Variants in NAV3 observed in about 807,000 individuals in gnomAD.
NAV3 encodes the protein pore membrane and/or filament interacting like protein 1.
NAV3 carries 87 observed loss-of-function variants against 244.7 expected under a neutral mutation model. The ratio of observed to expected loss-of-function variants is 0.36; its 90% CI spans 0.30 to 0.42. The LOEUF is 0.42. NAV3 is among the 20% of genes least tolerant of loss of function. NAV3 has a pLI of 1.00. For missense variants in NAV3, 2,663 were observed against 2,893.3 expected (o/e 0.92, Z 1.83); for synonymous variants, 1,126 against 1,042.2 (o/e 1.08, Z -1.55).
At chr12:78,089,969 C>T (rs1953836192) in intron 12 of NAV3, among the ~76,000 whole-genome samples, 1 of 152,074 alleles carries the variant, frequency 6.6e-6, no homozygotes, top group South Asian at 2.1e-4. Flanking sequence ...TAAGCTCTTT[C>T]TCTTCTACTC....
intron 1 of NAV3, among the ~76,000 whole-genome samples, chr12:77,927,244 A>G (rs1243786659): frequency 6.6e-6 from 1 of 152,224 alleles, no homozygotes; most frequent in Non-Finnish European, 1.5e-5. Flanking sequence ...GTTAAGATGA[A>G]TTCCCCATGG....
chr12:77,624,098 C>T (rs1014615596), intron 2 of NAV3, among the ~76,000 whole-genome samples: 1 of 152,068 alleles, frequency 6.6e-6, no homozygotes, highest in Non-Finnish European at 1.5e-5. Flanking sequence ...ACCAGAAAAG[C>T]AGGATGAGTG....
intron 1 of NAV3, among the ~76,000 whole-genome samples, chr12:77,873,711 A>G (rs1362372803): frequency 8.3e-6 from 1 of 120,194 alleles, no homozygotes; most frequent in Non-Finnish European, 1.8e-5. Context: ...ATATATATAC[A>G]TGATTTGCTT....
At chr12:78,148,527 C>T (rs1956952483) in intron 21 of NAV3, among the ~76,000 whole-genome samples, 1 of 152,066 alleles carries the variant, frequency 6.6e-6, no homozygotes, top group Admixed American at 6.6e-5. Flanking sequence ...TTTATTACCA[C>T]AGTTTTTCTA....
chr12:77,803,322 C>A (rs1871813157), intron 2 of NAV3, among the ~76,000 whole-genome samples: 1 of 152,154 alleles, frequency 6.6e-6, no homozygotes, highest in Admixed American at 6.5e-5. Flanking sequence ...GTTTCCCTCC[C>A]TGTGTCCATG....
At position 78,015,425 on chromosome 12, in the gene NAV3, G is replaced by A. The variant is rs116170232; in HGVS notation, c.1908-6322G>A. On this transcript the variant is annotated intron_variant, in intron 8 of 39. Coordinates refer to ENST00000397909, the MANE Select transcript of NAV3 (RefSeq NM_001024383.2). Reference sequence around the variant, plus strand: ...ATGATATTGATATATTGATGGCTAGGCATTTTACATAATGTTTCTAATTTG... The same window carrying A: ...ATGATATTGATATATTGATGGCTAGACATTTTACATAATGTTTCTAATTTG... Among the ~76,000 whole-genome samples, 375 of 152,068 alleles carry A rather than the reference G, an allele frequency of 2.5e-3. 3 individuals are homozygous for A. The highest frequency in any genetic ancestry group is 8.8e-3 in the African/African-American group (366 of 41,508).
intron 12 of NAV3, among the ~76,000 whole-genome samples, chr12:78,096,515 C>T (rs1364817942): frequency 6.6e-6 from 1 of 152,136 alleles, no homozygotes; most frequent in Non-Finnish European, 1.5e-5. Context: ...CTCACAGTTC[C>T]ACATGGCTGG....
chr12:77,996,053 T>G (rs1190217382), intron 6 of NAV3, among the ~76,000 whole-genome samples: 1 of 152,172 alleles, frequency 6.6e-6, no homozygotes, highest in African/African-American at 2.4e-5. Flanking sequence ...TAATTTGTTC[T>G]TCTAAGGACT....
chr12:77,982,598 G>T (rs545773936), intron 5 of NAV3, among the ~76,000 whole-genome samples: 1 of 152,240 alleles, frequency 6.6e-6, no homozygotes, highest in South Asian at 2.1e-4. Flanking sequence ...TGGGTTCTGG[G>T]TATCTATTGC....
chr12:78,013,726 G>A (rs1312440382), intron 8 of NAV3, among the ~76,000 whole-genome samples: 3 of 152,074 alleles, frequency 2.0e-5, no homozygotes, highest in Non-Finnish European at 4.4e-5. Flanking sequence ...AAAATGGATT[G>A]TTTGTGGGAG....
chr12:78,189,413 G>A (rs1040604604), intron 33 of NAV3, among the ~76,000 whole-genome samples: 2 of 151,744 alleles, frequency 1.3e-5, no homozygotes, highest in Non-Finnish European at 2.9e-5. Context: ...ATGAGATACT[G>A]TTGCTCCTTT....
intron 25 of NAV3, among the ~76,000 whole-genome samples, chr12:78,176,179 A>G (rs560763380): frequency 6.6e-6 from 1 of 152,084 alleles, no homozygotes; most frequent in East Asian, 1.9e-4. Flanking sequence ...AGGGGAAGAT[A>G]CTGTTACTGC....
chr12:77,630,663 G>A (rs12301423), intron 2 of NAV3, among the ~76,000 whole-genome samples: 14,335 of 152,018 alleles, frequency 0.094, 1,781 homozygotes, highest in African/African-American at 0.29. Context: ...TTTTCTTGGC[G>A]GTATTTTCCT....
chr12:77,741,146 G>GAAAAAA (rs1393220189), intron 2 of NAV3, among the ~76,000 whole-genome samples: 4 of 7,368 alleles, frequency 5.4e-4, no homozygotes, highest in African/African-American at 1.3e-3. Context: ...AAAAAAAAAA[G>GAAAAAA]ACAAAAAAAA....
intron 7 of NAV3, among the ~76,000 whole-genome samples, 165 bp from the exon 8 acceptor site, chr12:78,006,254 A>G (rs184685908): frequency 9.3e-5 from 14 of 151,332 alleles, no homozygotes; most frequent in African/African-American, 3.4e-4. Flanking sequence ...TTTTTGAAAT[A>G]TGGTAAAAAA....
intron 1 of NAV3, among the ~76,000 whole-genome samples, chr12:77,938,401 A>G (rs1022866900): frequency 1.3e-5 from 2 of 152,152 alleles, no homozygotes; most frequent in Non-Finnish European, 2.9e-5. Flanking sequence ...TTACCCTTCA[A>G]TATCTTCAAC....
At chr12:78,201,477 A>T (rs953237286) in intron 38 of NAV3, among the ~76,000 whole-genome samples, 1 of 151,992 alleles carries the variant, frequency 6.6e-6, no homozygotes, top group Non-Finnish European at 1.5e-5. Context: ...TTGGTTTCAC[A>T]GCATCTTTGC....
At chr12:78,180,186 C>T (rs1440020967) in intron 29 of NAV3, among the ~76,000 whole-genome samples, 1 of 152,000 alleles carries the variant, frequency 6.6e-6, no homozygotes, top group African/African-American at 2.4e-5. Context: ...TTTTGAAAAA[C>T]ATCTAAAGGC....
At chr12:78,028,748 G>A (rs906571601) in intron 9 of NAV3, among the ~76,000 whole-genome samples, 4 of 152,180 alleles carry the variant, frequency 2.6e-5, no homozygotes, top group African/African-American at 4.8e-5. Context: ...TCACTGCCAG[G>A]AAGCTGGACT....
Sources: allele counts gnomAD v4.1 joint callset (sites outside exome capture counted in the v4.1 genomes callset), GRCh38; gene constraint gnomAD v4.1.1; transcripts MANE v1.5; gene names NCBI Gene and HGNC (gene_info 2026-07-23, HGNC 2026-07-21).